CWF19L1: variants seen among roughly 807,000 people sequenced by gnomAD.
The protein encoded by CWF19L1 is CWF19 like cell cycle control factor 1, also known as CWF19-like protein 1.
Under a neutral mutation model 69.7 loss-of-function variants are expected in CWF19L1, and 60 were observed. The observed-to-expected ratio is 0.86, with a 90% CI of 0.70 to 1.07. The LOEUF (loss-of-function observed/expected upper bound fraction) is 1.07, where lower values mean the gene tolerates loss of function less well. CWF19L1 is among the 50% of genes least tolerant of loss of function. The probability of loss-of-function intolerance (pLI) is 0.00; values close to 1 mark genes in which losing one functional copy is unlikely to be tolerated. For missense variants in CWF19L1, 591 were observed against 638.9 expected (o/e 0.92, Z 0.81); for synonymous variants, 209 against 222.2 (o/e 0.94, Z 0.53).
chr10:100,237,797 C>T lies in CWF19L1; in HGVS notation c.1254+225G>A, dbSNP rs944654601. On this transcript the variant is annotated intron_variant, in intron 11 of 13. Transcript: ENST00000354105. ...GAGTAGCTGGGATTACAGGCATGCA[C>T]CACCACGCCCAGCTAATTTTTTTGT... Among the ~76,000 whole-genome samples the T allele has an allele frequency of 2.6e-5, 4 of 151,990 alleles. No individual in the cohort carries two copies. In the East Asian group the frequency reaches 7.7e-4, roughly 29 times the overall value.
At position 100,243,709 on chromosome 10, in the gene CWF19L1, T is replaced by C. The variant is rs1846709997; in HGVS notation, c.1033A>G (p.Ile345Val). The part of the protein sequence containing the change: ...PEVEKHLVVN[I>V]GTHCYLALAK... ...AGGAAGTAACTCACATGTGTGCCGA[T>C]GTTGACCACCAAATGTTTTTCCACT... Residue 345 changes from isoleucine to valine, a missense_variant, in exon 10 of 14, where the codon ATC (isoleucine) becomes GTC (valine). By Grantham distance (29) the Ile-to-Val change is conservative. Around this residue, in one of 3 missense-constraint regions of CWF19L1, gnomAD observed 458 missense variants for 489.3 expected, o/e 0.94. Coordinates refer to ENST00000354105, the MANE Select transcript of CWF19L1 (RefSeq NM_018294.6). 1.9e-6 allele frequency: 3 copies of C among 1,614,020 alleles called. No homozygotes were observed. The highest frequency in any genetic ancestry group is 1.3e-5 in the African/African-American group (1 of 74,944).
chr10:100,253,414 T>C lies in CWF19L1; in HGVS notation c.623+7A>G, dbSNP rs1187492951. 3.4e-6 allele frequency: 5 copies of C among 1,480,096 alleles called. No individual in the cohort carries two copies. Among genetic ancestry groups the C allele is most frequent in the Admixed American group, 1.7e-5 (1 of 59,106 alleles). The allele number at this position is 1,480,096 out of a possible 1,614,324, so 91.7% of individuals were successfully genotyped here. On this transcript the variant is annotated splice_region_variant and intron_variant, in intron 6 of 13. Transcript: ENST00000354105. ...CAAAAAGCCAAGAAGAATGAAATGC[T>C]ACTCACCGATATGGAAGCCTCTCAT... is the stretch of plus-strand genomic sequence containing the variant.
chr10:100,253,880 G>GT (rs10689337), intron 5 of CWF19L1: 22,061 of 159,724 alleles, frequency 0.14, 1,598 homozygotes, highest in African/African-American at 0.24. Context: ...GTTTTGGTTT[G>GT]TTTTTTTTTT....
chr10:100,255,948 A>G (rs1021602738), intron 5 of CWF19L1, among the ~76,000 whole-genome samples: 54 of 152,016 alleles, frequency 3.6e-4, no homozygotes, highest in African/African-American at 1.3e-3. Flanking sequence ...ACAAAAAACA[A>G]AAAACAAAAA....
rs574483829 is a variant in CWF19L1, at chr10:100,259,017, A to G, written c.289+1201T>C. Among the ~76,000 whole-genome samples the G allele has an allele frequency of 1.8e-4, 28 of 152,014 alleles. No individual in the cohort carries two copies. The East Asian group carries it at 1.9e-3, about 10-fold the overall frequency. On this transcript the variant is annotated intron_variant, in intron 4 of 13. Coordinates refer to ENST00000354105, the MANE Select transcript of CWF19L1 (RefSeq NM_018294.6). Reference sequence around the variant, plus strand: ...GGAGATCGAGACCATCCTGGCCAACATGGTGAAATCCCGTCTCTACTAAAA... The same window carrying G: ...GGAGATCGAGACCATCCTGGCCAACGTGGTGAAATCCCGTCTCTACTAAAA...
intron 10 of CWF19L1, among the ~76,000 whole-genome samples, chr10:100,240,093 C>T (rs1002130256): frequency 1.3e-5 from 2 of 152,152 alleles, no homozygotes; most frequent in Non-Finnish European, 2.9e-5. Context: ...AATAGTTTCA[C>T]GCTTGCCTAA....
intron 11 of CWF19L1, 40 bp from the exon 12 acceptor site, chr10:100,237,009 C>G (rs759876420): frequency 1.9e-6 from 3 of 1,544,008 alleles, no homozygotes; most frequent in Non-Finnish European, 2.6e-6. Context: ...TTGTGCAGGT[C>G]CCAGAGAAGT....
intron 10 of CWF19L1, among the ~76,000 whole-genome samples, chr10:100,240,893 C>T (rs1435823661): frequency 1.3e-5 from 2 of 150,680 alleles, no homozygotes; most frequent in Non-Finnish European, 2.9e-5. Flanking sequence ...CAAGTTTGCT[C>T]TTATTCCACT....
intron 5 of CWF19L1, 182 bp from the exon 6 acceptor site, chr10:100,253,721 C>G (rs1847118167): frequency 1.9e-6 from 1 of 526,676 alleles, no homozygotes; most frequent in African/African-American, 1.9e-5. Context: ...AATAAGGGAG[C>G]TGAACTACTA....
At chr10:100,267,147 C>CCAAAA (rs1847624171) in intron 1 of CWF19L1, among the ~76,000 whole-genome samples, 2 of 30,778 alleles carry the variant, frequency 6.5e-5, no homozygotes, top group African/African-American at 2.4e-4. Context: ...CTCCTCCTCG[C>CCAAAA]AAAAAAAAAA....
At chr10:100,243,636 A>G (rs904261524) in intron 10 of CWF19L1, 62 bp downstream of exon 10, 29 of 1,381,818 alleles carry the variant, frequency 2.1e-5, no homozygotes, top group Non-Finnish European at 2.9e-5. Flanking sequence ...TTATGCCTCA[A>G]TAAAGTTAAT....
At chr10:100,247,447 TATTC>T (rs1846863996) in intron 7 of CWF19L1, among the ~76,000 whole-genome samples, 1 of 152,244 alleles carries the variant, frequency 6.6e-6, no homozygotes, top group South Asian at 2.1e-4. Flanking sequence ...AAGCAATAAA[TATTC>T]ATATAAATAT....
At chr10:100,267,432 C>A in intron 1 of CWF19L1, 139 bp downstream of exon 1, 1 of 1,563,798 alleles carries the variant, frequency 6.4e-7, no homozygotes, top group South Asian at 1.2e-5. Flanking sequence ...GCAAAGACAT[C>A]ACCTAAGCTC....
chr10:100,242,663 G>A (rs1846674408), intron 10 of CWF19L1, among the ~76,000 whole-genome samples: 2 of 137,504 alleles, frequency 1.5e-5, no homozygotes, highest in Non-Finnish European at 3.0e-5. Context: ...AACAGAGCGA[G>A]ACTCCATCTC....
chr10:100,234,682 G>GA (rs1846376247), intron 13 of CWF19L1, among the ~76,000 whole-genome samples: 1 of 152,188 alleles, frequency 6.6e-6, no homozygotes, highest in South Asian at 2.1e-4. Context: ...AACTAGGGGA[G>GA]AAAAAACAGC....
At chr10:100,236,273 A>AT (rs1465296209) in intron 12 of CWF19L1, among the ~76,000 whole-genome samples, 1 of 151,478 alleles carries the variant, frequency 6.6e-6, no homozygotes, top group Non-Finnish European at 1.5e-5. Context: ...TGCCAAGCTT[A>AT]TTTTTTTATT....
intron 10 of CWF19L1, 96 bp from the exon 11 acceptor site, chr10:100,238,327 C>T (rs1490608448): frequency 3.1e-5 from 32 of 1,037,494 alleles, no homozygotes; most frequent in African/African-American, 8.0e-5. Context: ...AGGGTGTAGG[C>T]GAAAAGTACT....
intron 11 of CWF19L1, 50 bp from the exon 12 acceptor site, chr10:100,237,019 T>C (rs776076397): frequency 6.5e-6 from 10 of 1,540,994 alleles, no homozygotes; most frequent in Non-Finnish European, 6.1e-6. Flanking sequence ...CCCAGAGAAG[T>C]TGTGCCTGCA....
rs764223749 is a variant in CWF19L1 at position 100,246,925 on chromosome 10, G to T, written c.719C>A (p.Ala240Glu). 1.9e-6 allele frequency: 3 copies of T among 1,605,740 alleles called. No individual in the cohort carries two copies. Among genetic ancestry groups the T allele is most frequent in the Admixed American group, 3.4e-5 (2 of 59,356 alleles). ...GNPEKKKYLY[A>E]FSIVPMKLMD... Reference sequence around the variant, plus strand: ...TAGCTTCATGGGAACAATACTGAACGCGTAAAGATACTTTAGAGAAAAAGA... The same window carrying T: ...TAGCTTCATGGGAACAATACTGAACTCGTAAAGATACTTTAGAGAAAAAGA... The change falls in exon 8 of 14, where the codon GCG becomes GAG. Residue 240 changes from alanine (A) to glutamate (E), a missense_variant. Physicochemically the swap from Ala to Glu is moderately radical, Grantham distance 107. Coordinates refer to ENST00000354105, the MANE Select transcript of CWF19L1 (RefSeq NM_018294.6).
Sources: allele counts gnomAD v4.1 joint callset (sites outside exome capture counted in the v4.1 genomes callset), GRCh38; gene constraint gnomAD v4.1.1; regional missense constraint gnomAD v4.1.1; transcripts MANE v1.5; gene names NCBI Gene and HGNC (gene_info 2026-07-23, HGNC 2026-07-21).